ENTHD1: variants seen among roughly 807,000 people sequenced by gnomAD.
ENTHD1 encodes ENTH domain containing 1.
Under a neutral mutation model 39.1 loss-of-function variants are expected in ENTHD1, and 23 were observed. The observed-to-expected ratio is 0.59, with a 90% confidence interval of 0.42 to 0.83. The LOEUF is 0.83. Ranked by LOEUF, ENTHD1 falls within the 40% of genes least tolerant of loss-of-function variation. The probability of loss-of-function intolerance (pLI) is 0.00; values close to 1 mark genes in which losing one functional copy is unlikely to be tolerated. For synonymous variants in ENTHD1, 230 were observed against 258.2 expected (o/e 0.89, Z 1.05); for missense variants, 624 against 705.4 (o/e 0.88, Z 1.31).
chr22:39,879,953 C>T (rs1290320252), intron 2 of ENTHD1, among the ~76,000 whole-genome samples: 3 of 152,188 alleles, frequency 2.0e-5, no homozygotes, highest in Non-Finnish European at 2.9e-5. Flanking sequence ...TGAGGCTGGG[C>T]GCAATGGCTC....
intron 5 of ENTHD1, among the ~76,000 whole-genome samples, chr22:39,772,601 G>A (rs956970152): frequency 6.6e-6 from 1 of 152,158 alleles, no homozygotes; most frequent in East Asian, 1.9e-4. Flanking sequence ...ACCAAACACC[G>A]ACAAAACAAG....
At chr22:39,762,365 C>T (rs1233734816) in intron 6 of ENTHD1, among the ~76,000 whole-genome samples, 2 of 152,130 alleles carry the variant, frequency 1.3e-5, no homozygotes, top group Admixed American at 6.5e-5. Flanking sequence ...AGAGTACCCT[C>T]AGAATCTTAA....
intron 3 of ENTHD1, among the ~76,000 whole-genome samples, chr22:39,855,518 A>G (rs774552759): frequency 2.6e-5 from 4 of 151,818 alleles, no homozygotes; most frequent in Non-Finnish European, 5.9e-5. Flanking sequence ...TGGGCACATG[A>G]TATTTCTCAA....
chr22:39,799,389 G>A (rs543789243), intron 5 of ENTHD1, among the ~76,000 whole-genome samples: 6 of 152,274 alleles, frequency 3.9e-5, no homozygotes, highest in South Asian at 4.2e-4. Flanking sequence ...GTGTTAGAGC[G>A]GTGGTGATGC....
intron 5 of ENTHD1, among the ~76,000 whole-genome samples, chr22:39,781,959 T>C (rs928007311): frequency 9.2e-5 from 14 of 151,906 alleles, no homozygotes; most frequent in Admixed American, 2.6e-4. Flanking sequence ...AATTGAACCA[T>C]GAAGAAACAG....
chr22:39,863,144 C>T (rs957482577), intron 2 of ENTHD1, among the ~76,000 whole-genome samples: 1 of 152,146 alleles, frequency 6.6e-6, no homozygotes, highest in African/African-American at 2.4e-5. Context: ...TTCTAAATTA[C>T]CCAGTCTGTG....
chr22:39,774,544 C>G (rs2065352121), intron 5 of ENTHD1, among the ~76,000 whole-genome samples: 1 of 152,142 alleles, frequency 6.6e-6, no homozygotes, highest in Non-Finnish European at 1.5e-5. Context: ...ATGGTTGTTA[C>G]CACAACTTCT....
At chr22:39,755,274 ATCT>A (rs1366951771) in intron 6 of ENTHD1, among the ~76,000 whole-genome samples, 18 of 152,190 alleles carry the variant, frequency 1.2e-4, no homozygotes, top group Admixed American at 1.1e-3. Flanking sequence ...AGGTCAGGAA[ATCT>A]TAAAGAAGTG....
rs1470225364 is a variant in ENTHD1 at position 39,848,531 on chromosome 22, C to G, written c.593-12573G>C. ...CCTCCCAAAGTGCTGGGATTACAGG[C>G]ATGAGCCACAGCGCCCGGCCAACTC... On this transcript the variant is annotated intron_variant, in intron 3 of 6. Coordinates refer to ENST00000325157, the MANE Select transcript of ENTHD1 (RefSeq NM_152512.4). Among the ~76,000 whole-genome samples, 7 of 152,208 alleles carry G rather than the reference C, an allele frequency of 4.6e-5. No individual in the cohort carries two copies. In the East Asian group the frequency reaches 1.2e-3, roughly 25 times the overall value.
At chr22:39,859,459 T>C (rs1311563729) in intron 3 of ENTHD1, among the ~76,000 whole-genome samples, 1 of 152,208 alleles carries the variant, frequency 6.6e-6, no homozygotes, top group Non-Finnish European at 1.5e-5. Context: ...TTCTAGCTTT[T>C]GAATTAAAGT....
chr22:39,872,678 G>A (rs575647113), intron 2 of ENTHD1, among the ~76,000 whole-genome samples: 4 of 152,266 alleles, frequency 2.6e-5, no homozygotes, highest in African/African-American at 9.6e-5. Context: ...ACATCCCTGA[G>A]TGTTGGAGGA....
At chr22:39,877,763 C>G (rs1468803526) in intron 2 of ENTHD1, among the ~76,000 whole-genome samples, 3 of 152,182 alleles carry the variant, frequency 2.0e-5, no homozygotes, top group East Asian at 1.9e-4. Context: ...TTAGGAGAAG[C>G]TAGTTAACCA....
intron 6 of ENTHD1, among the ~76,000 whole-genome samples, chr22:39,756,141 A>G (rs1235525290): frequency 2.6e-5 from 4 of 152,156 alleles, no homozygotes; most frequent in Non-Finnish European, 5.9e-5. Flanking sequence ...GAACTAGGCA[A>G]CTTTCAAATT....
At chr22:39,840,992 G>A (rs1006906430) in intron 3 of ENTHD1, among the ~76,000 whole-genome samples, 2 of 151,976 alleles carry the variant, frequency 1.3e-5, no homozygotes, top group Non-Finnish European at 2.9e-5. Context: ...CACCCACCTC[G>A]GCCTCCCAAA....
chr22:39,801,356 T>C (rs1483401811), intron 5 of ENTHD1, among the ~76,000 whole-genome samples: 2 of 152,222 alleles, frequency 1.3e-5, no homozygotes, highest in Non-Finnish European at 2.9e-5. Context: ...TTGCTTATCT[T>C]AAGGCCACAT....
At chr22:39,854,934 C>T (rs2066072979) in intron 3 of ENTHD1, among the ~76,000 whole-genome samples, 3 of 152,204 alleles carry the variant, frequency 2.0e-5, no homozygotes, top group African/African-American at 4.8e-5. Flanking sequence ...GATATCATCA[C>T]TTGCCTCCAT....
chr22:39,797,677 C>G (rs924054483), intron 5 of ENTHD1, among the ~76,000 whole-genome samples: 1 of 152,086 alleles, frequency 6.6e-6, no homozygotes, highest in African/African-American at 2.4e-5. Context: ...AAGACTACTT[C>G]TTCATTTATG....
At chr22:39,765,720 T>C (rs904242436) in intron 5 of ENTHD1, 111 bp from the exon 6 acceptor site, 8 of 1,122,016 alleles carry the variant, frequency 7.1e-6, no homozygotes, top group Non-Finnish European at 8.6e-6. Context: ...AACAGAATTC[T>C]TTCCTATTTA....
At chr22:39,875,473 C>T in intron 2 of ENTHD1, 1 of 1,553,604 alleles carries the variant, frequency 6.4e-7, no homozygotes, top group East Asian at 2.2e-5. Context: ...AGGCCGTGCG[C>T]CGGCCTTTGG....
Sources: gnomAD v4.1 joint callset for allele counts (sites outside exome capture counted in the v4.1 genomes callset) on GRCh38, gnomAD v4.1.1 for gene constraint, MANE v1.5 for transcripts, NCBI Gene and HGNC (gene_info 2026-07-23, HGNC 2026-07-21) for gene names.